The following AP2B1 variants were observed in gnomAD, a reference collection of about 807,000 sequenced individuals.
The protein encoded by AP2B1 is AP-2 complex subunit beta.
A neutral mutation model predicts 102.0 loss-of-function variants in AP2B1; 23 were observed. The observed-to-expected ratio is 0.23, with a 90% CI of 0.16 to 0.32. The LOEUF is 0.32. AP2B1 is among the 10% of genes least tolerant of loss of function. The pLI is 1.00. For missense variants in AP2B1, 541 were observed against 1,157.4 expected, an observed-to-expected ratio of 0.47 and a Z score of 7.73; for synonymous variants, 381 against 421.2, an observed-to-expected ratio of 0.90 and a Z score of 1.17.
chr17:35,620,032 T>A (rs59769788), intron 5 of AP2B1, among the ~76,000 whole-genome samples: 1 of 152,156 alleles, frequency 6.6e-6, no homozygotes, highest in Non-Finnish European at 1.5e-5. Flanking sequence ...GTGATCCACC[T>A]GTTTCAGCCT....
chr17:35,720,175 A>T (rs1239325280), intron 21 of AP2B1, among the ~76,000 whole-genome samples: 2 of 152,176 alleles, frequency 1.3e-5, no homozygotes, highest in Non-Finnish European at 2.9e-5. Context: ...ACATGCTTAA[A>T]AAGGCAAAGA....
At chr17:35,670,166 C>T (rs532860693) in intron 14 of AP2B1, among the ~76,000 whole-genome samples, 2 of 152,282 alleles carry the variant, frequency 1.3e-5, no homozygotes, top group South Asian at 4.1e-4. Context: ...TAAATGATCT[C>T]CAAATAAATC....
At chr17:35,680,188 G>A (rs911127869) in intron 17 of AP2B1, among the ~76,000 whole-genome samples, 8 of 151,988 alleles carry the variant, frequency 5.3e-5, no homozygotes, top group East Asian at 1.9e-4. Flanking sequence ...GATTACAGGC[G>A]TGAGCCACCG....
At chr17:35,703,269 AAAAAAAAAAAAAAGACCT>A (rs2076274740) in intron 18 of AP2B1, among the ~76,000 whole-genome samples, 1 of 150,448 alleles carries the variant, frequency 6.6e-6, no homozygotes, top group African/African-American at 2.5e-5. Context: ...CATCTCAAAA[AAAAAAAAAAAAAAGACCT>A]AAAAATGGAA....
intron 18 of AP2B1, among the ~76,000 whole-genome samples, chr17:35,693,790 C>T (rs2076086487): frequency 6.6e-6 from 1 of 152,136 alleles, no homozygotes; most frequent in Non-Finnish European, 1.5e-5. Context: ...CCACTGTGCT[C>T]CTGACAGTAA....
At chr17:35,681,387 A>G (rs587747833) in intron 17 of AP2B1, among the ~76,000 whole-genome samples, 26 of 152,290 alleles carry the variant, frequency 1.7e-4, no homozygotes, top group African/African-American at 5.1e-4. Context: ...CAGAGTAGAA[A>G]TTGGTTTTCG....
chr17:35,647,895 T>G (rs1185033819), intron 12 of AP2B1, among the ~76,000 whole-genome samples: 9 of 150,134 alleles, frequency 6.0e-5, no homozygotes, highest in Non-Finnish European at 1.5e-5. Flanking sequence ...GGGTTTGTTT[T>G]TTTTTTTTTC....
chr17:35,621,270 A>C (rs1016714317), intron 5 of AP2B1: 1 of 982,920 alleles, frequency 1.0e-6, no homozygotes, highest in African/African-American at 1.7e-5. Context: ...TCTTTAAGAT[A>C]CTTTAGATTC....
intron 5 of AP2B1, 28 bp downstream of exon 5, chr17:35,608,415 A>G: frequency 6.2e-7 from 1 of 1,612,406 alleles, no homozygotes; most frequent in Non-Finnish European, 8.5e-7. Context: ...TTACAAAGAG[A>G]GCAGTATTTA....
In AP2B1 at chr17:35,649,191, G is replaced by A. The variant is rs182481052; in HGVS notation, c.1537-1339G>A. 6.0e-3 allele frequency among the ~76,000 whole-genome samples: 917 copies of A among 152,098 alleles called. 7 individuals carry two copies. Among genetic ancestry groups the A allele is most frequent in the Non-Finnish European group, 8.8e-3 (598 of 68,000 alleles). ...GATACTTAATAAATATTTGAATGAA[G>A]GAAGAAGGTATGGGTACAATATATG... On this transcript the variant is annotated intron_variant, in intron 12 of 21. Transcript: ENST00000610402.
intron 18 of AP2B1, among the ~76,000 whole-genome samples, chr17:35,705,975 G>A (rs1171794804): frequency 6.6e-6 from 1 of 152,142 alleles, no homozygotes; most frequent in East Asian, 1.9e-4. Flanking sequence ...ACATTTTACA[G>A]ACAGGAAACT....
At chr17:35,721,442 C>A (rs1555593130) in intron 21 of AP2B1, among the ~76,000 whole-genome samples, 1 of 152,142 alleles carries the variant, frequency 6.6e-6, no homozygotes, top group East Asian at 1.9e-4. Context: ...GCCTCTTTCT[C>A]CCTAGGAGCC....
intron 17 of AP2B1, among the ~76,000 whole-genome samples, chr17:35,679,111 A>G (rs188021684): frequency 2.6e-5 from 4 of 152,266 alleles, no homozygotes; most frequent in African/African-American, 2.4e-5. Context: ...ATGAGTTGGA[A>G]TTTGCAGGAC....
intron 14 of AP2B1, among the ~76,000 whole-genome samples, chr17:35,664,696 C>G (rs1480080686): frequency 6.6e-6 from 1 of 152,158 alleles, no homozygotes; most frequent in Non-Finnish European, 1.5e-5. Context: ...ATTCTGTGTA[C>G]TAGGCATATA....
In AP2B1 at chr17:35,723,994, C is replaced by G; in HGVS notation, c.*295C>G. ...GCCAATGGCTGGCTTTTTCTACACCCTCTTTTGAGTGTAGTTTGGTATTTT... is the reference window on the plus strand; with the variant it reads ...GCCAATGGCTGGCTTTTTCTACACCGTCTTTTGAGTGTAGTTTGGTATTTT... On this transcript the variant is annotated 3_prime_UTR_variant, in exon 22 of 22. Transcript: ENST00000610402. 1 of 325,790 alleles carries G rather than the reference C, an allele frequency of 3.1e-6. No homozygotes were observed. The highest frequency in any genetic ancestry group is 4.7e-5 in the East Asian group (1 of 21,206). The allele number at this position is 325,790 out of a possible 1,614,324, so 20.2% of individuals were successfully genotyped here. A position where few individuals can be genotyped will look rare whatever the true frequency, so the allele number is the denominator to read the frequency against.
intron 14 of AP2B1, among the ~76,000 whole-genome samples, chr17:35,661,345 A>G (rs1043817414): frequency 6.6e-6 from 1 of 152,228 alleles, no homozygotes; most frequent in Non-Finnish European, 1.5e-5. Context: ...GGTTATTTTA[A>G]TCTTGCAGCC....
chr17:35,693,506 G>A (rs1263854863), intron 18 of AP2B1, among the ~76,000 whole-genome samples: 1 of 151,932 alleles, frequency 6.6e-6, no homozygotes, highest in Non-Finnish European at 1.5e-5. Flanking sequence ...CTTAAGGAAA[G>A]CCTAAGTTTA....
intron 21 of AP2B1, among the ~76,000 whole-genome samples, chr17:35,719,823 C>T (rs1293987299): frequency 6.6e-6 from 1 of 152,110 alleles, no homozygotes; most frequent in Non-Finnish European, 1.5e-5. Context: ...TAGTGGGACC[C>T]CATCTTTATT....
chr17:35,640,247 T>TTA (rs1567875927), intron 11 of AP2B1, among the ~76,000 whole-genome samples: 3 of 147,132 alleles, frequency 2.0e-5, no homozygotes, highest in African/African-American at 7.6e-5. Context: ...TTTTTTTTTT[T>TTA]TTTTTTTTGA....
Sources: allele counts gnomAD v4.1 joint callset (sites outside exome capture counted in the v4.1 genomes callset), GRCh38; gene constraint gnomAD v4.1.1; transcripts MANE v1.5; gene names NCBI Gene and HGNC (gene_info 2026-07-23, HGNC 2026-07-21).